CYP2B6: variants seen among roughly 807,000 people sequenced by gnomAD.
The protein encoded by CYP2B6 is cytochrome P450 family 2 subfamily B member 6.
A neutral mutation model predicts 43.4 loss-of-function variants in CYP2B6; 35 were observed. The observed-to-expected ratio is 0.81, with a 90% CI of 0.62 to 1.07. The LOEUF (loss-of-function observed/expected upper bound fraction) is 1.07. Among genes scored for constraint, CYP2B6 ranks in the 50% least tolerant of loss-of-function variants. CYP2B6 has a pLI of 0.00. For missense variants in CYP2B6, 624 were observed against 632.8 expected, an observed-to-expected ratio of 0.99 and a Z score of 0.15; for synonymous variants, 239 against 239.2, an observed-to-expected ratio of 1.00 and a Z score of 0.01.
intron 3 of CYP2B6, 145 bp downstream of exon 3, chr19:41,004,591 C>CAGAGAGGGAGAGAGACAGGGGAAT (rs1568560145): frequency 1.1e-6 from 1 of 939,626 alleles, no homozygotes; most frequent in African/African-American, 1.6e-5. Flanking sequence ...GGGATAGAGA[C>CAGAGAGGGAGAGAGACAGGGGAAT]AGAGAGGGAG....
At position 41,004,036 on chromosome 19, in the gene CYP2B6, C is replaced by T; in HGVS notation, c.207C>T (p.His69=). 6.2e-7 allele frequency: 1 copy of T among 1,613,660 alleles called. No homozygotes were observed. Among genetic ancestry groups the T allele is most frequent in the Non-Finnish European group, 8.5e-7 (1 of 1,179,672 alleles). ...REKYGDVFTV[H]LGPRPVVMLC... The stretch of plus-strand genomic sequence containing the variant: ...AATATGGGGACGTCTTCACGGTACA[C>T]CTGGGACCGAGGCCCGTGGTCATGC... Residue 69 remains histidine (H), a synonymous_variant, in exon 2 of 9, where the codon CAC becomes CAT. Coordinates refer to ENST00000324071, the MANE Select transcript of CYP2B6 (RefSeq NM_000767.5).
chr19:41,007,241 G>A, intron 4 of CYP2B6, 176 bp downstream of exon 4: 1 of 650,674 alleles, frequency 1.5e-6, no homozygotes, highest in East Asian at 2.6e-5. Flanking sequence ...GTGAGACAGG[G>A]ATAGAGACAC....
intron 8 of CYP2B6, chr19:41,013,138 G>C (rs1969310738): frequency 3.1e-6 from 1 of 323,530 alleles, no homozygotes; most frequent in Admixed American, 4.6e-5. Flanking sequence ...TGAAGATAAT[G>C]CATCAAACAA....
chr19:41,012,592 GT>G, intron 7 of CYP2B6, 81 bp from the exon 8 acceptor site: 1 of 1,611,512 alleles, frequency 6.2e-7, no homozygotes, highest in Non-Finnish European at 8.5e-7. Flanking sequence ...CGTTGTTTTT[GT>G]TTTTTGTATT....
intron 1 of CYP2B6, among the ~76,000 whole-genome samples, chr19:40,992,214 A>AG (rs1968931001): frequency 6.6e-6 from 1 of 151,580 alleles, no homozygotes; most frequent in East Asian, 1.9e-4. Context: ...AAAAAAAAAA[A>AG]AAAAAAAGAA....
intron 4 of CYP2B6, among the ~76,000 whole-genome samples, chr19:41,007,800 A>AT (rs1969216186): frequency 6.6e-6 from 1 of 151,934 alleles, no homozygotes; most frequent in African/African-American, 2.4e-5. Flanking sequence ...ATGTTTTTGT[A>AT]TTTTTAGTAG....
At position 41,010,026 on chromosome 19, in the gene CYP2B6, C is replaced by T; in HGVS notation, c.855C>T (p.His285=). 1 of 1,614,174 alleles carries T rather than the reference C, an allele frequency of 6.2e-7. No individual in the cohort carries two copies. The highest frequency in any genetic ancestry group is 8.5e-7 in the Non-Finnish European group (1 of 1,180,044). Residue 285 remains histidine (H), a synonymous_variant, in exon 6 of 9, where the codon CAC becomes CAT. Coordinates refer to ENST00000324071, the MANE Select transcript of CYP2B6 (RefSeq NM_000767.5). The part of the protein sequence containing the change: ...EKSNAHSEFS[H]QNLNLNTLSL... ...CCAACGCACACAGTGAATTCAGCCA[C>T]CAGAACCTCAACCTCAACACGCTCT...
In CYP2B6 at chr19:41,010,789, C is replaced by A. The variant is rs151086735; in HGVS notation, c.964+654C>A. Among the ~76,000 whole-genome samples, 103 of 152,154 alleles carry A rather than the reference C, an allele frequency of 6.8e-4. 1 individual carries two copies. Among genetic ancestry groups the A allele is most frequent in the African/African-American group, 2.4e-3 (98 of 41,500 alleles). On this transcript the variant is annotated intron_variant, in intron 6 of 8. Transcript: ENST00000324071. ...TAAGTAATTTCTCATCATTCACCCC[C>A]CTTCTGCTCCCTCACTCTTCTGAGT...
At chr19:41,012,018 G>A (rs1448207515) in intron 6 of CYP2B6, among the ~76,000 whole-genome samples, 8 of 151,974 alleles carry the variant, frequency 5.3e-5, no homozygotes, top group Admixed American at 1.3e-4. Context: ...GCATGATCTC[G>A]GCTCACTGCA....
chr19:41,005,739 C>T (rs868768256), intron 3 of CYP2B6, among the ~76,000 whole-genome samples: 1 of 151,828 alleles, frequency 6.6e-6, no homozygotes, highest in African/African-American at 2.4e-5. Context: ...TAAGATCACA[C>T]TACTGCACTC....
At position 41,006,843 on chromosome 19, in the gene CYP2B6, G is replaced by C. The variant is rs34909562; in HGVS notation, c.485-62G>C. ...ATGGCAGACAATCACACAGAGATAGGTGACAGCCTGATGTTCCCCAGGCAC... is the reference window on the plus strand; with the variant it reads ...ATGGCAGACAATCACACAGAGATAGCTGACAGCCTGATGTTCCCCAGGCAC... On this transcript the variant is annotated intron_variant, in intron 3 of 8. Coordinates refer to ENST00000324071, the MANE Select transcript of CYP2B6 (RefSeq NM_000767.5). 6 of 1,489,362 alleles carry C rather than the reference G, an allele frequency of 4.0e-6. No individual in the cohort carries two copies. The African/African-American group carries it at 8.3e-5, about 21-fold the overall frequency. 92.3% of individuals were successfully genotyped at this position (1,489,362 alleles called of 1,614,324 possible). A position where few individuals can be genotyped will look rare whatever the true frequency, so the allele number is the denominator to read the frequency against.
At position 41,004,368 on chromosome 19, in the gene CYP2B6, G is replaced by A. The variant is rs774036855; in HGVS notation, c.406G>A (p.Gly136Arg). 8 of 1,613,874 alleles carry A rather than the reference G, an allele frequency of 5.0e-6. No individual in the cohort carries two copies. Among genetic ancestry groups the A allele is most frequent in the East Asian group, 2.2e-5 (1 of 44,900 alleles). ...RFSVTTMRDF[G>R]MGKRSVEERI... ...CTCTGTGACCACTATGAGGGACTTC[G>A]GGATGGGAAAGCGGAGTGTGGAGGA... Residue 136 changes from glycine to arginine, a missense_variant, in exon 3 of 9, where the codon GGG (glycine) becomes AGG (arginine). Coordinates refer to ENST00000324071, the MANE Select transcript of CYP2B6 (RefSeq NM_000767.5).
At chr19:40,994,137 T>A (rs1968964449) in intron 1 of CYP2B6, among the ~76,000 whole-genome samples, 1 of 152,102 alleles carries the variant, frequency 6.6e-6, no homozygotes, top group Non-Finnish European at 1.5e-5. Context: ...CCAACTTATC[T>A]TCGTCGATTT....
intron 1 of CYP2B6, among the ~76,000 whole-genome samples, chr19:41,002,381 G>A (rs1208843079): frequency 1.6e-4 from 24 of 152,146 alleles, no homozygotes; most frequent in Non-Finnish European, 2.9e-4. Flanking sequence ...ACTGTAAAAA[G>A]CGCACAGCTC....
chr19:41,004,293 C>T lies in CYP2B6; in HGVS notation c.335-4C>T. On this transcript the variant is annotated splice_polypyrimidine_tract_variant and splice_region_variant and intron_variant, in intron 2 of 8. Transcript: ENST00000324071. ...AACCAACCCACACCTCCCCTGCACC[C>T]CAGGTGTGATCTTTGCCAATGGAAA... 1.2e-6 allele frequency: 2 copies of T among 1,613,838 alleles called. No homozygotes were observed. The highest frequency in any genetic ancestry group is 1.7e-6 in the Non-Finnish European group (2 of 1,180,000).
At chr19:41,004,986 G>C (rs763340013) in intron 3 of CYP2B6, among the ~76,000 whole-genome samples, 2 of 152,130 alleles carry the variant, frequency 1.3e-5, no homozygotes, top group African/African-American at 2.4e-5. Context: ...AACAGAGCAA[G>C]ATCCTGTCTC....
At chr19:41,003,789 C>T (rs889305453) in intron 1 of CYP2B6, among the ~76,000 whole-genome samples, 1 of 152,270 alleles carries the variant, frequency 6.6e-6, no homozygotes, top group Non-Finnish European at 1.5e-5. Context: ...CAACCAGAAA[C>T]GGAAACTAAG....
chr19:40,993,080 C>G (rs1270709011), intron 1 of CYP2B6, among the ~76,000 whole-genome samples: 1 of 152,066 alleles, frequency 6.6e-6, no homozygotes, highest in African/African-American at 2.4e-5. Context: ...GTATTAGAGT[C>G]CAATTGGTCA....
chr19:41,016,186 A>C (rs943727695), intron 8 of CYP2B6, among the ~76,000 whole-genome samples: 2 of 152,124 alleles, frequency 1.3e-5, no homozygotes, highest in African/African-American at 4.8e-5. Context: ...ATCTGAGGTC[A>C]GGAGCTCGAG....
Sources: allele counts gnomAD v4.1 joint callset (sites outside exome capture counted in the v4.1 genomes callset), GRCh38; gene constraint gnomAD v4.1.1; transcripts MANE v1.5; gene names NCBI Gene and HGNC (gene_info 2026-07-23, HGNC 2026-07-21).